Variants in ABCC5 observed in about 807,000 individuals in gnomAD.
ABCC5 encodes ATP binding cassette subfamily C member 5.
In ABCC5, 61 loss-of-function variants were observed where a neutral mutation model predicts 160.9. That is an observed-to-expected ratio of 0.38 (90% CI 0.31 to 0.47). ABCC5 has a LOEUF of 0.47. Ranked by LOEUF, ABCC5 falls within the 20% of genes least tolerant of loss-of-function variation. The probability of loss-of-function intolerance (pLI) is 0.99; values close to 1 mark genes in which losing one functional copy is unlikely to be tolerated. For synonymous variants in ABCC5, 666 were observed against 700.6 expected (o/e 0.95, Z 0.78); for missense variants, 1,308 against 1,813.3 (o/e 0.72, Z 5.06).
chr3:183,962,000 T>C (rs1004555683), intron 15 of ABCC5, among the ~76,000 whole-genome samples: 1 of 152,126 alleles, frequency 6.6e-6, no homozygotes, highest in African/African-American at 2.4e-5. Context: ...AATCCGCCCA[T>C]CTCGGCCTCC....
intron 2 of ABCC5, among the ~76,000 whole-genome samples, chr3:183,990,397 G>A (rs1434538940): frequency 4.6e-5 from 7 of 152,112 alleles, no homozygotes; most frequent in Middle Eastern, 3.2e-3. Context: ...GAGCTGCCGC[G>A]CCCAGCTTAT....
intron 2 of ABCC5, among the ~76,000 whole-genome samples, chr3:184,006,135 C>G (rs140304814): frequency 1.1e-4 from 17 of 152,120 alleles, no homozygotes; most frequent in African/African-American, 3.9e-4. Flanking sequence ...ATGAGAGCCA[C>G]CTGGGCTCCA....
At position 183,982,994 on chromosome 3, in the gene ABCC5, T is replaced by A. The variant is rs1172285346; in HGVS notation, c.605A>T (p.Lys202Ile). The A allele has an allele frequency of 6.2e-7, 1 of 1,614,148 alleles. No individual in the cohort carries two copies. Among genetic ancestry groups the A allele is most frequent in the South Asian group, 1.1e-5 (1 of 91,080 alleles). Residue 202 changes from lysine (K) to isoleucine (I), a missense_variant, in exon 6 of 30, where the codon AAA becomes ATA. Transcript: ENST00000334444. This position sits in a 1 kb window ranked among gnomAD's most constrained non-coding sequence, Gnocchi z 5.2. ...TGCCTGGGTATACTCCAAGAGGTGT[T>A]TCACCATGAAGGCCTACAGGGAGAG... is the stretch of plus-strand genomic sequence containing the variant. ...AGFSGPAFMV[K>I]HLLEYTQATE...
chr3:183,972,124 G>A, intron 10 of ABCC5: 1 of 962,790 alleles, frequency 1.0e-6, no homozygotes, highest in South Asian at 1.4e-5. Context: ...AGAGGTCCAG[G>A]GGCCTTATCA....
chr3:183,961,356 T>C (rs1716715311), intron 16 of ABCC5, among the ~76,000 whole-genome samples, 155 bp downstream of exon 16: 1 of 152,156 alleles, frequency 6.6e-6, no homozygotes, highest in Non-Finnish European at 1.5e-5. Context: ...AATCAGTGTG[T>C]GAACTAAGGC....
At chr3:183,954,730 T>A (rs1223450609) in intron 17 of ABCC5, among the ~76,000 whole-genome samples, 1 of 152,134 alleles carries the variant, frequency 6.6e-6, no homozygotes, top group Non-Finnish European at 1.5e-5. Context: ...TTGAGACGGG[T>A]CTCAATCAAT....
At chr3:183,985,037 T>C in intron 5 of ABCC5, 2 of 734,340 alleles carry the variant, frequency 2.7e-6, no homozygotes. Flanking sequence ...GTTTACACTA[T>C]GCGAAACTTT....
intron 27 of ABCC5, chr3:183,927,653 G>A (rs1712718991): frequency 2.0e-6 from 2 of 985,404 alleles, no homozygotes; most frequent in East Asian, 1.1e-4. Flanking sequence ...TATTCTGTTA[G>A]CTTTATACCA....
intron 11 of ABCC5, among the ~76,000 whole-genome samples, chr3:183,970,232 A>C (rs1056420356): frequency 2.0e-5 from 3 of 152,054 alleles, no homozygotes; most frequent in Admixed American, 6.6e-5. Flanking sequence ...CCAATAACAG[A>C]CACACTCACC....
rs1217645472 is a variant in ABCC5, at chr3:183,971,656, C to T, written c.1668G>A (p.Arg556=). 10 of 1,614,182 alleles carry T rather than the reference C, an allele frequency of 6.2e-6. No homozygotes were observed. The South Asian group carries it at 1.1e-4, about 18-fold the overall frequency. ...TGCCTTCTTCCTCTTCGGGACTGGG[C>T]CGCTCGTCACTGTCCAGGAGGAGGT... ...KGHLLLDSDE[R]PSPEEEEGKH... is the part of the protein sequence containing the mutation. The change falls in exon 11 of 30, where the codon CGG becomes CGA. Residue 556 remains arginine (R), a synonymous_variant. Transcript: ENST00000334444.
intron 29 of ABCC5, among the ~76,000 whole-genome samples, chr3:183,922,109 T>C (rs1000268888): frequency 2.0e-5 from 3 of 151,838 alleles, no homozygotes; most frequent in Admixed American, 6.6e-5. Context: ...CGGTGGTTGA[T>C]GCCTGTAATC....
chr3:183,974,140 T>C (rs2108840277), intron 10 of ABCC5, among the ~76,000 whole-genome samples: 1 of 152,256 alleles, frequency 6.6e-6, no homozygotes, highest in South Asian at 2.1e-4. Flanking sequence ...TATAACCATA[T>C]AAACCTATAA....
At chr3:184,013,544 G>A (rs982928432) in intron 2 of ABCC5, among the ~76,000 whole-genome samples, 7 of 152,122 alleles carry the variant, frequency 4.6e-5, no homozygotes, top group African/African-American at 1.7e-4. Context: ...ATGAGCCACT[G>A]TGCCTGGCCA....
At chr3:183,990,803 T>C (rs148019724) in intron 2 of ABCC5, among the ~76,000 whole-genome samples, 3 of 151,838 alleles carry the variant, frequency 2.0e-5, no homozygotes, top group South Asian at 2.1e-4. Flanking sequence ...CAAAAGTGCA[T>C]TCTAAGTCTG....
Position 183,921,315 on chromosome 3 carries a change from G to A in ABCC5, c.4299C>T (p.Val1433=), listed in dbSNP as rs758197983. The A allele has an allele frequency of 1.6e-5, 25 of 1,583,876 alleles. No individual in the cohort carries two copies. In the Admixed American group the frequency reaches 2.4e-4, roughly 15 times the overall value. ...CAGGGAGGAGTCAGCCCTTGACAGC[G>A]ACCTTGTTCTCTGCAGCAGCAAACA... ...YAMFAAAENK[V]AVKG Residue 1433 remains valine, a synonymous_variant, in exon 30 of 30, where the codon GTC becomes GTT. Coordinates refer to ENST00000334444, the MANE Select transcript of ABCC5 (RefSeq NM_005688.4). The surrounding 1 kb of genome is among the most constrained non-coding windows in gnomAD (Gnocchi z 4.1).
intron 29 of ABCC5, among the ~76,000 whole-genome samples, chr3:183,922,836 G>A (rs1262019681): frequency 6.6e-6 from 1 of 152,154 alleles, no homozygotes; most frequent in Non-Finnish European, 1.5e-5. Flanking sequence ...TCCTTCCTTT[G>A]GACACGTGTC....
chr3:184,004,609 G>T (rs1317485024), intron 2 of ABCC5, among the ~76,000 whole-genome samples: 5 of 151,920 alleles, frequency 3.3e-5, no homozygotes, highest in African/African-American at 1.2e-4. Context: ...GGCTTTCTGG[G>T]TTCCATCATG....
chr3:183,993,137 G>A (rs1719926746), intron 2 of ABCC5, among the ~76,000 whole-genome samples: 1 of 152,182 alleles, frequency 6.6e-6, no homozygotes, highest in African/African-American at 2.4e-5. Context: ...CTTCATCTAT[G>A]AATGCTGATT....
chr3:183,976,879 A>G (rs1243375444), intron 10 of ABCC5, among the ~76,000 whole-genome samples: 1 of 151,946 alleles, frequency 6.6e-6, no homozygotes, highest in African/African-American at 2.4e-5. Context: ...TCAAATATCT[A>G]TTTCTCTCCA....
Sources: gnomAD v4.1 joint callset for allele counts (sites outside exome capture counted in the v4.1 genomes callset) on GRCh38, gnomAD v4.1.1 for gene constraint, Gnocchi (gnomAD v3.1) non-coding constraint, MANE v1.5 for transcripts, NCBI Gene and HGNC (gene_info 2026-07-23, HGNC 2026-07-21) for gene names.